OSBP2: variants seen among roughly 807,000 people sequenced by gnomAD.
The protein encoded by OSBP2 is oxysterol binding protein 2, also known as oxysterol-binding protein 2.
Under a neutral mutation model 96.0 loss-of-function variants are expected in OSBP2, and 66 were observed. The observed-to-expected ratio is 0.69, with a 90% CI of 0.56 to 0.84. The LOEUF (loss-of-function observed/expected upper bound fraction) is 0.84. Among genes scored for constraint, OSBP2 ranks in the 40% least tolerant of loss-of-function variants. The probability of loss-of-function intolerance (pLI) is 0.00; values close to 1 mark genes in which losing one functional copy is unlikely to be tolerated. For synonymous variants in OSBP2, 525 were observed against 520.9 expected (o/e 1.01, Z -0.11); for missense variants, 1,038 against 1,222.7 (o/e 0.85, Z 2.25).
chr22:30,865,655 A>AAAAAAAAAC, intron 2 of OSBP2, among the ~76,000 whole-genome samples: 1 of 149,186 alleles, frequency 6.7e-6, no homozygotes, highest in Non-Finnish European at 1.5e-5. Flanking sequence ...AAAAAAAAAA[A>AAAAAAAAAC]AGACAGTTTT....
chr22:30,859,926 C>T (rs933413895), intron 2 of OSBP2, among the ~76,000 whole-genome samples: 9 of 152,000 alleles, frequency 5.9e-5, no homozygotes, highest in Non-Finnish European at 1.0e-4. Flanking sequence ...GATGCCTGGC[C>T]GCCGCCCCCG....
At chr22:30,891,680 G>A (rs1403329520) in intron 8 of OSBP2, among the ~76,000 whole-genome samples, 2 of 152,206 alleles carry the variant, frequency 1.3e-5, no homozygotes, top group Non-Finnish European at 2.9e-5. Context: ...AACACAGGCA[G>A]CTTTTGAAGG....
intron 2 of OSBP2, among the ~76,000 whole-genome samples, chr22:30,794,262 A>ATTTTTTTTT (rs136291): frequency 7.4e-6 from 1 of 134,904 alleles, no homozygotes; most frequent in Non-Finnish European, 1.6e-5. Flanking sequence ...TCCTCTATTC[A>ATTTTTTTTT]TTTTTTTTTT....
At chr22:30,703,494 T>C in intron 1 of OSBP2, among the ~76,000 whole-genome samples, 1 of 142,074 alleles carries the variant, frequency 7.0e-6, no homozygotes, top group South Asian at 2.3e-4. Flanking sequence ...TTTTTTTTTT[T>C]AGACAGAATC....
intron 2 of OSBP2, among the ~76,000 whole-genome samples, chr22:30,751,051 A>G (rs1304354740): frequency 6.6e-6 from 1 of 152,066 alleles, no homozygotes; most frequent in Non-Finnish European, 1.5e-5. Context: ...TCTATTGATA[A>G]CTCTTAAAAT....
Position 30,881,681 on chromosome 22 carries a change from A to G in OSBP2, c.1108-5745A>G. 13 of 1,304,098 alleles carry G rather than the reference A, an allele frequency of 1.0e-5. No homozygotes were observed. Among genetic ancestry groups the G allele is most frequent in the Non-Finnish European group, 1.3e-5 (13 of 988,906 alleles). The allele number at this position is 1,304,098 out of a possible 1,614,324, so 80.8% of individuals were successfully genotyped here. On this transcript the variant is annotated intron_variant, in intron 3 of 13. Transcript: ENST00000332585. This position sits in a 1 kb window ranked among gnomAD's most constrained non-coding sequence, Gnocchi z 4.5. ...AAGCACACAGCACACAGCCCAGCTC[A>G]GCATTCTGAGAACAGCAGGGCCACG... is the stretch of plus-strand genomic sequence containing the variant.
intron 1 of OSBP2, among the ~76,000 whole-genome samples, chr22:30,707,538 C>T (rs933165231): frequency 5.9e-5 from 9 of 151,458 alleles, no homozygotes; most frequent in Non-Finnish European, 1.5e-5. Context: ...CACAGTGAAA[C>T]CCCGTCTCTA....
At chr22:30,742,077 C>A (rs1454811873) in intron 2 of OSBP2, among the ~76,000 whole-genome samples, 1 of 151,938 alleles carries the variant, frequency 6.6e-6, no homozygotes, top group African/African-American at 2.4e-5. Flanking sequence ...ACTTCAGCCT[C>A]CCAAAGTACT....
intron 2 of OSBP2, among the ~76,000 whole-genome samples, chr22:30,867,237 TCCCATGGACTGCTGTCAAC>T (rs2039358238): frequency 6.6e-6 from 1 of 152,140 alleles, no homozygotes; most frequent in African/African-American, 2.4e-5. Flanking sequence ...GTCTTGTCTT[TCCCATGGACTGCTGTCAAC>T]TGCCACATGC....
intron 12 of OSBP2, 92 bp from the exon 13 acceptor site, chr22:30,905,745 G>GGA: frequency 8.6e-7 from 1 of 1,156,808 alleles, no homozygotes; most frequent in South Asian, 1.5e-5. Flanking sequence ...AGGCGACCCG[G>GGA]GAGGAGACAC....
chr22:30,762,012 G>C (rs1240311456), intron 2 of OSBP2, among the ~76,000 whole-genome samples: 1 of 147,942 alleles, frequency 6.8e-6, no homozygotes, highest in East Asian at 2.1e-4. Flanking sequence ...CTTGAGCCCA[G>C]GAGTTCGAGA....
intron 2 of OSBP2, among the ~76,000 whole-genome samples, chr22:30,829,371 C>CA (rs1257194333): frequency 6.6e-6 from 1 of 152,238 alleles, no homozygotes; most frequent in Non-Finnish European, 1.5e-5. Flanking sequence ...CGGCTCACTG[C>CA]AACCTCTGCC....
chr22:30,764,591 G>A (rs1226225750), intron 2 of OSBP2, among the ~76,000 whole-genome samples: 1 of 152,178 alleles, frequency 6.6e-6, no homozygotes, highest in African/African-American at 2.4e-5. Context: ...ACTTCACAAA[G>A]CACAGTGTTT....
chr22:30,759,829 G>T (rs894264971), intron 2 of OSBP2, among the ~76,000 whole-genome samples: 1 of 152,058 alleles, frequency 6.6e-6, no homozygotes, highest in African/African-American at 2.4e-5. Context: ...AAACAGAAGA[G>T]GAATGAGTAA....
intron 2 of OSBP2, among the ~76,000 whole-genome samples, chr22:30,840,305 TAAAAAAAAAAAGAAAAAGG>T (rs1470664857): frequency 1.2e-4 from 17 of 140,850 alleles, no homozygotes; most frequent in Non-Finnish European, 2.6e-4. Context: ...ATAAACCTGT[TAAAAAAAAAAAGAAAAAGG>T]AAAAAAAAAA....
intron 8 of OSBP2, 104 bp downstream of exon 8, chr22:30,891,077 T>C (rs2147159827): frequency 7.2e-7 from 1 of 1,390,192 alleles, no homozygotes; most frequent in East Asian, 2.3e-5. Flanking sequence ...TGTCTGACCC[T>C]GACTGCCCAT....
At chr22:30,771,208 C>T (rs937725311) in intron 2 of OSBP2, among the ~76,000 whole-genome samples, 1 of 152,238 alleles carries the variant, frequency 6.6e-6, no homozygotes, top group Non-Finnish European at 1.5e-5. Context: ...TCCACTGAGG[C>T]TGCCCCCTTA....
rs116339814 is a variant in OSBP2 at position 30,798,497 on chromosome 22, A to G, written c.853+57128A>G. On this transcript the variant is annotated intron_variant, in intron 2 of 13. Coordinates refer to ENST00000332585, the MANE Select transcript of OSBP2 (RefSeq NM_030758.4). ...TATCATACCCAAGAAATGTTTGCCAATTCCAATGTTGTGAAGCTTTTGCAC... is the reference window on the plus strand; with the variant it reads ...TATCATACCCAAGAAATGTTTGCCAGTTCCAATGTTGTGAAGCTTTTGCAC... Among the ~76,000 whole-genome samples the G allele has an allele frequency of 4.9e-3, 745 of 152,292 alleles. 8 individuals carry two copies. Among genetic ancestry groups the G allele is most frequent in the African/African-American group, 0.017 (718 of 41,568 alleles).
intron 2 of OSBP2, among the ~76,000 whole-genome samples, chr22:30,822,151 C>G (rs1284825934): frequency 1.3e-5 from 2 of 152,264 alleles, no homozygotes; most frequent in Non-Finnish European, 2.9e-5. Context: ...ACCCCGATTT[C>G]CTGGAATCAC....
Sources: allele counts gnomAD v4.1 joint callset (sites outside exome capture counted in the v4.1 genomes callset), GRCh38; gene constraint gnomAD v4.1.1; non-coding constraint Gnocchi (gnomAD v3.1); transcripts MANE v1.5; gene names NCBI Gene and HGNC (gene_info 2026-07-23, HGNC 2026-07-21).